The following RBMS3 variants were observed in gnomAD, a reference collection of about 807,000 sequenced individuals.
RBMS3 encodes the protein RNA-binding motif, single-stranded-interacting protein 3.
Under a neutral mutation model 66.8 loss-of-function variants are expected in RBMS3, and 27 were observed. The observed-to-expected ratio is 0.40, with a 90% CI of 0.30 to 0.56. The LOEUF (loss-of-function observed/expected upper bound fraction) is 0.56. Ranked by LOEUF, RBMS3 falls within the 20% of genes least tolerant of loss-of-function variation. The pLI is 0.40. For missense variants in RBMS3, 513 were observed against 549.5 expected (o/e 0.93, Z 0.66); for synonymous variants, 188 against 183.0 (o/e 1.03, Z -0.22).
intron 1 of RBMS3, among the ~76,000 whole-genome samples, chr3:29,396,656 C>G (rs1029260310): frequency 6.6e-6 from 1 of 152,050 alleles, no homozygotes; most frequent in Non-Finnish European, 1.5e-5. Flanking sequence ...CTAGACAGAG[C>G]AGTACATTTT....
intron 2 of RBMS3, among the ~76,000 whole-genome samples, chr3:29,443,043 C>G (rs1287454977): frequency 6.6e-6 from 1 of 152,062 alleles, no homozygotes; most frequent in South Asian, 2.1e-4. Flanking sequence ...AGTTCTGGAT[C>G]CATATCTCAT....
intron 3 of RBMS3, among the ~76,000 whole-genome samples, chr3:29,499,583 A>G (rs551973527): frequency 3.9e-5 from 6 of 152,262 alleles, no homozygotes; most frequent in African/African-American, 1.4e-4. Context: ...AATAAGAGAA[A>G]ATTACAAAGT....
intron 6 of RBMS3, among the ~76,000 whole-genome samples, chr3:29,769,875 T>G (rs2056122267): frequency 6.6e-6 from 1 of 151,912 alleles, no homozygotes; most frequent in Admixed American, 6.6e-5. Context: ...CTTAAAATAT[T>G]TTTAAATGTT....
chr3:29,544,134 A>G (rs1397844891), intron 3 of RBMS3, among the ~76,000 whole-genome samples: 2 of 152,154 alleles, frequency 1.3e-5, no homozygotes, highest in African/African-American at 2.4e-5. Context: ...ATCCAATTCT[A>G]TCTTACATTG....
At chr3:29,978,282 T>C (rs1426387041) in intron 12 of RBMS3, among the ~76,000 whole-genome samples, 1 of 152,198 alleles carries the variant, frequency 6.6e-6, no homozygotes, top group East Asian at 1.9e-4. Context: ...CCTGAGGATT[T>C]ACCTTAGAAA....
intron 3 of RBMS3, among the ~76,000 whole-genome samples, chr3:29,544,271 TA>T (rs2045867761): frequency 1.3e-5 from 2 of 152,124 alleles, no homozygotes; most frequent in Admixed American, 6.6e-5. Context: ...GGAAGGACAT[TA>T]GGGGAAGTCT....
intron 4 of RBMS3, among the ~76,000 whole-genome samples, chr3:29,713,237 G>A (rs570097803): frequency 2.1e-4 from 32 of 151,564 alleles, no homozygotes; most frequent in Non-Finnish European, 3.8e-4. Context: ...CCATACTTTC[G>A]TAGAATATTT....
intron 6 of RBMS3, among the ~76,000 whole-genome samples, chr3:29,839,807 T>C (rs1237399790): frequency 2.6e-5 from 4 of 151,800 alleles, no homozygotes; most frequent in Admixed American, 2.0e-4. Context: ...AAAATAGTTA[T>C]TACTTAGAAA....
intron 3 of RBMS3, among the ~76,000 whole-genome samples, chr3:29,585,514 C>T (rs1393396448): frequency 2.6e-5 from 4 of 152,052 alleles, no homozygotes; most frequent in Non-Finnish European, 5.9e-5. Flanking sequence ...ATCACCTTAC[C>T]CTAACCTCAG....
chr3:29,431,567 A>C (rs1348181091), intron 1 of RBMS3, among the ~76,000 whole-genome samples: 1 of 152,062 alleles, frequency 6.6e-6, no homozygotes, highest in Non-Finnish European at 1.5e-5. Flanking sequence ...CTGGGACTAC[A>C]GGCGTGAGCC....
chr3:29,669,761 T>G (rs1162575997), intron 4 of RBMS3, among the ~76,000 whole-genome samples: 1 of 152,144 alleles, frequency 6.6e-6, no homozygotes, highest in Non-Finnish European at 1.5e-5. Context: ...CCTTTTCATG[T>G]TCAGTGCTAG....
At chr3:29,486,762 A>G (rs2043336634) in intron 2 of RBMS3, among the ~76,000 whole-genome samples, 1 of 152,136 alleles carries the variant, frequency 6.6e-6, no homozygotes, top group Non-Finnish European at 1.5e-5. Flanking sequence ...CCACTATGAA[A>G]CACAGTAATG....
rs552612366 is a variant in RBMS3, at chr3:30,000,531, A to G, written c.1308-3325A>G. Among the ~76,000 whole-genome samples, 10 of 152,300 alleles carry G rather than the reference A, an allele frequency of 6.6e-5. No homozygotes were observed. In the East Asian group the frequency reaches 1.9e-3, roughly 29 times the overall value. On this transcript the variant is annotated intron_variant, in intron 14 of 14. Coordinates refer to ENST00000383767, the MANE Select transcript of RBMS3 (RefSeq NM_001003793.3). Reference sequence around the variant, plus strand: ...AAATACCATTTGACCCAGCAATCCCATTACTGGGTATATACCCAAAGGATT... The same window carrying G: ...AAATACCATTTGACCCAGCAATCCCGTTACTGGGTATATACCCAAAGGATT...
intron 4 of RBMS3, among the ~76,000 whole-genome samples, chr3:29,690,806 G>A (rs1229473416): frequency 3.9e-5 from 6 of 152,052 alleles, no homozygotes; most frequent in African/African-American, 1.4e-4. Context: ...TCTGCTTTTT[G>A]CTACAATTTG....
At chr3:29,690,489 A>C (rs780335098) in intron 4 of RBMS3, among the ~76,000 whole-genome samples, 4 of 152,188 alleles carry the variant, frequency 2.6e-5, no homozygotes, top group Non-Finnish European at 5.9e-5. Context: ...AACTGATTCA[A>C]ATTGTTCTTC....
intron 6 of RBMS3, among the ~76,000 whole-genome samples, chr3:29,796,500 G>A (rs2149435449): frequency 6.6e-6 from 1 of 152,210 alleles, no homozygotes; most frequent in East Asian, 1.9e-4. Context: ...AGATCTATCA[G>A]AGGAATCACT....
At chr3:29,858,998 A>G (rs1179673378) in intron 6 of RBMS3, among the ~76,000 whole-genome samples, 1 of 152,214 alleles carries the variant, frequency 6.6e-6, no homozygotes, top group East Asian at 1.9e-4. Flanking sequence ...ACAGAATTAT[A>G]TATAAAACCA....
chr3:29,925,059 A>T (rs1269506102), intron 10 of RBMS3: 1 of 152,216 alleles, frequency 6.6e-6, no homozygotes, highest in African/African-American at 2.4e-5. Context: ...GGGACATAGT[A>T]GTTTTGAGGT....
At position 29,302,176 on chromosome 3, in the gene RBMS3, AT is replaced by A. The variant is rs764536146; in HGVS notation, c.75+20425del. Among the ~76,000 whole-genome samples, 4 of 151,718 alleles carry A rather than the reference AT, an allele frequency of 2.6e-5. 1 individual carries two copies. The highest frequency in any genetic ancestry group is 4.8e-5 in the African/African-American group (2 of 41,294). Reference sequence around the variant, plus strand: ...AGGTGCATGCCACCACATTCATCCAATTTTTAAAAATTTTCTGTAGAGATGA... The same window carrying A: ...AGGTGCATGCCACCACATTCATCCAATTTTAAAAATTTTCTGTAGAGATGA... On this transcript the variant is annotated intron_variant, in intron 1 of 14. Transcript: ENST00000383767.
Sources: gnomAD v4.1 joint callset for allele counts (sites outside exome capture counted in the v4.1 genomes callset) on GRCh38, gnomAD v4.1.1 for gene constraint, MANE v1.5 for transcripts, NCBI Gene and HGNC (gene_info 2026-07-23, HGNC 2026-07-21) for gene names.